TLE1: variants seen among roughly 807,000 people sequenced by gnomAD.
TLE1 encodes the protein TLE family member 1, transcriptional corepressor.
A neutral mutation model predicts 89.8 loss-of-function variants in TLE1; 21 were observed. The ratio of observed to expected loss-of-function variants is 0.23; its 90% CI spans 0.17 to 0.34. The LOEUF (loss-of-function observed/expected upper bound fraction) is 0.34. Ranked by LOEUF, TLE1 falls within the 10% of genes least tolerant of loss-of-function variation. The pLI, the probability that TLE1 is intolerant of heterozygous loss-of-function variation, is 1.00. For missense variants in TLE1, 795 were observed against 1,031.2 expected (o/e 0.77, Z 3.14); for synonymous variants, 447 against 407.6 (o/e 1.10, Z -1.16).
chr9:81,599,165 C>T (rs1329995527), intron 14 of TLE1, among the ~76,000 whole-genome samples: 2 of 152,162 alleles, frequency 1.3e-5, no homozygotes, highest in Non-Finnish European at 2.9e-5. Flanking sequence ...CCTTTGTTTG[C>T]CACATCACAG....
At chr9:81,668,897 T>C (rs1831848269) in intron 4 of TLE1, among the ~76,000 whole-genome samples, 1 of 152,240 alleles carries the variant, frequency 6.6e-6, no homozygotes, top group African/African-American at 2.4e-5. Flanking sequence ...ATTCACAAGT[T>C]ATTTTACAAG....
chr9:81,632,993 A>G, intron 8 of TLE1, among the ~76,000 whole-genome samples: 1 of 152,222 alleles, frequency 6.6e-6, no homozygotes, highest in East Asian at 1.9e-4. Context: ...CTTTTAAACT[A>G]CAGTCAACCA....
intron 8 of TLE1, among the ~76,000 whole-genome samples, chr9:81,628,248 C>CCTGTGAGGCA (rs1402063921): frequency 6.6e-6 from 1 of 152,054 alleles, no homozygotes; most frequent in Non-Finnish European, 1.5e-5. Context: ...TAACCCCCTC[C>CCTGTGAGGCA]CTGTGAGGCA....
chr9:81,673,045 G>A (rs140602162), intron 4 of TLE1, among the ~76,000 whole-genome samples: 1 of 151,906 alleles, frequency 6.6e-6, no homozygotes, highest in African/African-American at 2.4e-5. Flanking sequence ...GGCTGAGGGA[G>A]GCAGATTACT....
At chr9:81,663,066 G>A (rs1034316517) in intron 4 of TLE1, among the ~76,000 whole-genome samples, 7 of 152,002 alleles carry the variant, frequency 4.6e-5, no homozygotes, top group Admixed American at 1.3e-4. Context: ...GGCTGGTCTC[G>A]AACTCCTTAC....
In TLE1 at chr9:81,593,034, G is replaced by A. The variant is rs767626559; in HGVS notation, c.1572C>T (p.Leu524=). The change falls in exon 15 of 20, where the codon CTC becomes CTT. Residue 524 remains leucine (L), a synonymous_variant. Transcript: ENST00000376499. ...HPGNKSPVSQ[L]DCLNRDNYIR... ...GTTCCTGTTCACTCACCAGACAGTC[G>A]AGCTGGGAGACAGGGCTCTTATTGC... 5.6e-6 allele frequency: 9 copies of A among 1,612,606 alleles called. No homozygotes were observed. The Admixed American group carries it at 8.3e-5, about 15-fold the overall frequency.
Position 81,675,698 on chromosome 9 carries a change from G to GTTTGTTTTTTTTTTTTT in TLE1, c.234+9977_234+9978insAAAAAAAAAAAAACAAA, listed in dbSNP as rs1554701835. Among the ~76,000 whole-genome samples the GTTTGTTTTTTTTTTTTT allele has an allele frequency of 3.1e-5, 4 of 129,666 alleles. 1 individual carries two copies. The highest frequency in any genetic ancestry group is 6.6e-5 in the African/African-American group (2 of 30,360). The allele number at this position is 129,666 out of a possible 152,430, so 85.1% of individuals were successfully genotyped here. ...AATTTTAGCATAAGGACTCACACTAGTTTTTTTTTGTTTTTTTTTTTGAGA... is the reference window on the plus strand; with the variant it reads ...AATTTTAGCATAAGGACTCACACTAGTTTGTTTTTTTTTTTTTTTTTTTTTTGTTTTTTTTTTTGAGA... On this transcript the variant is annotated intron_variant, in intron 4 of 19. Coordinates refer to ENST00000376499, the MANE Select transcript of TLE1 (RefSeq NM_005077.5).
chr9:81,621,242 T>G (rs1262894618), intron 8 of TLE1, among the ~76,000 whole-genome samples: 3 of 152,144 alleles, frequency 2.0e-5, no homozygotes, highest in South Asian at 2.1e-4. Flanking sequence ...ACAGGATACT[T>G]TCATTCGCAT....
intron 6 of TLE1, among the ~76,000 whole-genome samples, chr9:81,635,225 C>G (rs1441790380): frequency 1.3e-5 from 2 of 152,092 alleles, no homozygotes; most frequent in African/African-American, 4.8e-5. Context: ...TCCTTCCTAC[C>G]AAGCTCCACA....
chr9:81,649,349 G>A (rs2627009), intron 6 of TLE1, among the ~76,000 whole-genome samples: 136,888 of 152,132 alleles, frequency 0.9, 61,607 homozygotes, highest in South Asian at 0.92. Context: ...CTGTCTCCTC[G>A]AAGAGCACCC....
chr9:81,615,056 T>C (rs59830030), intron 11 of TLE1, among the ~76,000 whole-genome samples: 4,153 of 113,996 alleles, frequency 0.036, 263 homozygotes, highest in African/African-American at 0.13. Context: ...CACTCCAGCC[T>C]GGGTGACAGA....
At chr9:81,664,692 ATC>A (rs1831236053) in intron 4 of TLE1, among the ~76,000 whole-genome samples, 1 of 150,690 alleles carries the variant, frequency 6.6e-6, no homozygotes, top group African/African-American at 2.4e-5. Context: ...GGGAAACTCA[ATC>A]TCTCTTTTAA....
intron 8 of TLE1, among the ~76,000 whole-genome samples, chr9:81,628,891 G>A (rs777732679): frequency 6.6e-6 from 1 of 152,112 alleles, no homozygotes; most frequent in Non-Finnish European, 1.5e-5. Flanking sequence ...AATTTGATGA[G>A]TTATAGTCTC....
intron 8 of TLE1, among the ~76,000 whole-genome samples, chr9:81,631,925 A>C (rs1382903001): frequency 6.6e-6 from 1 of 152,150 alleles, no homozygotes; most frequent in African/African-American, 2.4e-5. Flanking sequence ...CAACATGGAG[A>C]AACCCCGTCT....
intron 14 of TLE1, chr9:81,600,125 G>A (rs1830719569): frequency 1.4e-6 from 1 of 736,326 alleles, no homozygotes; most frequent in Non-Finnish European, 2.5e-6. Context: ...TCCTAAACAG[G>A]ACAAAGATAC....
intron 4 of TLE1, among the ~76,000 whole-genome samples, chr9:81,670,365 G>A (rs569315947): frequency 1.3e-5 from 2 of 152,020 alleles, no homozygotes; most frequent in South Asian, 2.1e-4. Flanking sequence ...TGGGTCTGTC[G>A]CCCAGGCTGG....
chr9:81,654,842 G>A (rs1829971734), intron 4 of TLE1, among the ~76,000 whole-genome samples: 1 of 152,104 alleles, frequency 6.6e-6, no homozygotes, highest in South Asian at 2.1e-4. Flanking sequence ...AACTGAAAAA[G>A]GATTTTATTG....
intron 4 of TLE1, among the ~76,000 whole-genome samples, chr9:81,665,618 T>G (rs1355444371): frequency 6.6e-6 from 1 of 152,168 alleles, no homozygotes; most frequent in African/African-American, 2.4e-5. Flanking sequence ...GGGGCCTGCA[T>G]CTCCGGAGAA....
chr9:81,654,113 ACTT>A, intron 4 of TLE1, 77 bp from the exon 5 acceptor site: 8 of 1,314,654 alleles, frequency 6.1e-6, no homozygotes, highest in Non-Finnish European at 8.7e-6. Flanking sequence ...TACCCCTAAC[ACTT>A]CAGTCCTCCT....
Sources: allele counts gnomAD v4.1 joint callset (sites outside exome capture counted in the v4.1 genomes callset), GRCh38; gene constraint gnomAD v4.1.1; transcripts MANE v1.5; gene names NCBI Gene and HGNC (gene_info 2026-07-23, HGNC 2026-07-21).